Variants in MYCBP2 observed in about 807,000 individuals in gnomAD.
MYCBP2 encodes the protein E3 ubiquitin-protein ligase MYCBP2.
Under a neutral mutation model 525.3 loss-of-function variants are expected in MYCBP2, and 120 were observed. That is an observed-to-expected ratio of 0.23 (90% CI 0.20 to 0.27). The LOEUF is 0.27. Ranked by LOEUF, MYCBP2 falls within the 10% of genes least tolerant of loss-of-function variation. The probability of loss-of-function intolerance (pLI) is 1.00; values close to 1 mark genes in which losing one functional copy is unlikely to be tolerated. For synonymous variants in MYCBP2, 1,894 were observed against 1,955.8 expected, an observed-to-expected ratio of 0.97 and a Z score of 0.83; for missense variants, 4,149 against 5,657.1, an observed-to-expected ratio of 0.73 and a Z score of 8.55.
At chr13:77,317,547 T>A (rs778609041) in intron 1 of MYCBP2, among the ~76,000 whole-genome samples, 1 of 152,248 alleles carries the variant, frequency 6.6e-6, no homozygotes, top group Non-Finnish European at 1.5e-5. Context: ...GATCTCATCA[T>A]CAGCTGTGCC....
intron 50 of MYCBP2, among the ~76,000 whole-genome samples, 160 bp from the exon 51 acceptor site, chr13:77,140,323 A>G (rs2054410802): frequency 6.6e-6 from 1 of 152,232 alleles, no homozygotes; most frequent in Non-Finnish European, 1.5e-5. Context: ...ACAGTATAAC[A>G]ACACTAACAA....
At chr13:77,286,811 TATATATAG>T (rs1267558784) in intron 3 of MYCBP2, among the ~76,000 whole-genome samples, 32 of 116,700 alleles carry the variant, frequency 2.7e-4, no homozygotes, top group Middle Eastern at 8.8e-3. Flanking sequence ...TATATATATA[TATATATAG>T]ACCTTCCAGT....
intron 55 of MYCBP2, among the ~76,000 whole-genome samples, chr13:77,106,485 A>T (rs987377386): frequency 6.6e-6 from 1 of 152,162 alleles, no homozygotes; most frequent in Non-Finnish European, 1.5e-5. Context: ...GTCTAATCAC[A>T]ATGCATATAT....
intron 69 of MYCBP2, among the ~76,000 whole-genome samples, chr13:77,069,419 G>A (rs547273348): frequency 1.7e-4 from 26 of 152,124 alleles, no homozygotes; most frequent in Admixed American, 1.1e-3. Flanking sequence ...TCAGGAGATC[G>A]AGACCATCCT....
chr13:77,144,581 T>A, intron 48 of MYCBP2, 21 bp from the exon 49 acceptor site: 1 of 1,533,456 alleles, frequency 6.5e-7, no homozygotes, highest in Non-Finnish European at 9.0e-7. Context: ...ATAAGATGGA[T>A]ATTGGAAATT....
At chr13:77,303,603 C>T (rs1187131241) in intron 1 of MYCBP2, among the ~76,000 whole-genome samples, 1 of 150,260 alleles carries the variant, frequency 6.7e-6, no homozygotes, top group Non-Finnish European at 1.5e-5. Context: ...ATCAAAAAAA[C>T]AAGACTTCTA....
At chr13:77,307,572 G>C (rs2079602941) in intron 1 of MYCBP2, among the ~76,000 whole-genome samples, 1 of 130,840 alleles carries the variant, frequency 7.6e-6, no homozygotes, top group African/African-American at 2.9e-5. Context: ...GCTGCACTGA[G>C]CTATGGTCAT....
chr13:77,105,625 A>T (rs1332366470), intron 55 of MYCBP2, among the ~76,000 whole-genome samples: 2 of 152,162 alleles, frequency 1.3e-5, no homozygotes, highest in Non-Finnish European at 1.5e-5. Flanking sequence ...AAAGAAAAAA[A>T]GTTGATAGAT....
At chr13:77,270,252 G>T (rs765201256) in intron 6 of MYCBP2, 44 bp downstream of exon 6, 2 of 1,566,234 alleles carry the variant, frequency 1.3e-6, no homozygotes, top group Non-Finnish European at 1.7e-6. Context: ...ATTCATTATG[G>T]TTATAACTCT....
chr13:77,233,525 C>G (rs971678693), intron 17 of MYCBP2, among the ~76,000 whole-genome samples: 1 of 146,274 alleles, frequency 6.8e-6, no homozygotes, highest in Non-Finnish European at 1.5e-5. Context: ...TGTGTAGTTA[C>G]TAATAGTCTC....
intron 61 of MYCBP2, among the ~76,000 whole-genome samples, chr13:77,088,036 C>T (rs562976953): frequency 4.6e-4 from 70 of 152,080 alleles, no homozygotes; most frequent in African/African-American, 5.1e-4. Flanking sequence ...CTCCCTCCTC[C>T]GCCTCCCAAA....
At chr13:77,241,827 T>C (rs1247127237) in intron 17 of MYCBP2, among the ~76,000 whole-genome samples, 1 of 151,982 alleles carries the variant, frequency 6.6e-6, no homozygotes, top group Non-Finnish European at 1.5e-5. Flanking sequence ...ACTTATTCCA[T>C]ATATTAACAA....
At chr13:77,293,941 T>G (rs2077756459) in intron 2 of MYCBP2, among the ~76,000 whole-genome samples, 1 of 151,668 alleles carries the variant, frequency 6.6e-6, no homozygotes, top group African/African-American at 2.4e-5. Context: ...GAGTGTTAAT[T>G]TAAACCATCA....
chr13:77,213,820 A>G (rs1200308399), intron 21 of MYCBP2, among the ~76,000 whole-genome samples: 1 of 152,216 alleles, frequency 6.6e-6, no homozygotes, highest in Non-Finnish European at 1.5e-5. Flanking sequence ...AAACAAATCT[A>G]TATGTGACTC....
chr13:77,126,141 T>C (rs1330470564), intron 53 of MYCBP2, among the ~76,000 whole-genome samples, 177 bp downstream of exon 53: 2 of 152,238 alleles, frequency 1.3e-5, no homozygotes. Context: ...CAAGGATAAT[T>C]ATGCAAATCA....
intron 1 of MYCBP2, among the ~76,000 whole-genome samples, chr13:77,319,396 C>G (rs2081329112): frequency 6.6e-6 from 1 of 152,176 alleles, no homozygotes; most frequent in African/African-American, 2.4e-5. Context: ...CCTGCCCAAC[C>G]AGAACACTGA....
chr13:77,067,998 G>T, intron 70 of MYCBP2, 134 bp from the exon 71 acceptor site: 2 of 790,750 alleles, frequency 2.5e-6, no homozygotes, highest in Non-Finnish European at 3.9e-6. Context: ...AGCAACCACA[G>T]CTCACTGCAG....
rs902356251 is a variant in MYCBP2 at position 77,093,281 on chromosome 13, A to G, written c.10251T>C (p.Asp3417=). ...VGYQDDNLFQ[D]EMRYLRSTSV... ...ATGTTGAACGTAGATATCTCATTTCATCCTGGAATAGATTGTCATCTTGAT... is the reference window on the plus strand; with the variant it reads ...ATGTTGAACGTAGATATCTCATTTCGTCCTGGAATAGATTGTCATCTTGAT... Residue 3417 remains aspartate (D), a synonymous_variant, in exon 59 of 83, where the codon GAT becomes GAC. Coordinates refer to ENST00000544440, the MANE Select transcript of MYCBP2 (RefSeq NM_015057.5). 41 of 1,613,340 alleles carry G rather than the reference A, an allele frequency of 2.5e-5. No homozygotes were observed. Among genetic ancestry groups the G allele is most frequent in the Non-Finnish European group, 3.5e-5 (41 of 1,179,596 alleles).
chr13:77,098,293 C>A lies in MYCBP2; in HGVS notation c.8861G>T (p.Ser2954Ile). 1 of 1,611,838 alleles carries A rather than the reference C, an allele frequency of 6.2e-7. No individual in the cohort carries two copies. The highest frequency in any genetic ancestry group is 8.5e-7 in the Non-Finnish European group (1 of 1,179,778). The change falls in exon 56 of 83, where the codon AGC (serine) becomes ATC (isoleucine). Residue 2954 changes from serine to isoleucine, a missense_variant. Coordinates refer to ENST00000544440, the MANE Select transcript of MYCBP2 (RefSeq NM_015057.5). Reference protein sequence around the residue: ...NSLTDSTCDDSSEFKSVDEGS... With the variant: ...NSLTDSTCDDISEFKSVDEGS... ...TTCATCCACACTCTTAAATTCACTG[C>A]TGTCATCGCAGGTGCTGTCTGTTAG...
Sources: gnomAD v4.1 joint callset for allele counts (sites outside exome capture counted in the v4.1 genomes callset) on GRCh38, gnomAD v4.1.1 for gene constraint, MANE v1.5 for transcripts, NCBI Gene and HGNC (gene_info 2026-07-23, HGNC 2026-07-21) for gene names.